Variants in KIFAP3 observed in about 807,000 individuals in gnomAD.
KIFAP3 encodes the protein kinesin-associated protein 3.
In KIFAP3, 68 loss-of-function variants were observed where a neutral mutation model predicts 106.5. That is an observed-to-expected ratio of 0.64 (90% CI 0.53 to 0.78). The LOEUF (loss-of-function observed/expected upper bound fraction) is 0.78. Ranked by LOEUF, KIFAP3 falls within the 30% of genes least tolerant of loss-of-function variation. The probability of loss-of-function intolerance (pLI) is 0.00; values close to 1 mark genes in which losing one functional copy is unlikely to be tolerated. For synonymous variants in KIFAP3, 320 were observed against 311.5 expected (o/e 1.03, Z -0.29); for missense variants, 780 against 941.8 (o/e 0.83, Z 2.25).
intron 19 of KIFAP3, among the ~76,000 whole-genome samples, chr1:169,942,921 C>A (rs374557912): frequency 9.2e-6 from 1 of 108,242 alleles, no homozygotes; most frequent in Non-Finnish European, 1.8e-5. Flanking sequence ...CCCCCCCCCA[C>A]CCCTTTAAAA....
chr1:169,966,675 C>T (rs1227608030), intron 17 of KIFAP3, among the ~76,000 whole-genome samples: 1 of 150,858 alleles, frequency 6.6e-6, no homozygotes, highest in Non-Finnish European at 1.5e-5. Context: ...CTATATCCCA[C>T]CAGTTTTCAA....
chr1:169,956,597 T>G (rs888654901), intron 18 of KIFAP3, among the ~76,000 whole-genome samples: 2 of 149,420 alleles, frequency 1.3e-5, no homozygotes, highest in African/African-American at 4.9e-5. Flanking sequence ...AGTAAATTTA[T>G]ACCACTGAAG....
At chr1:169,961,291 G>T in intron 17 of KIFAP3, 56 bp from the exon 18 acceptor site, 1 of 1,386,178 alleles carries the variant, frequency 7.2e-7, no homozygotes, top group South Asian at 1.2e-5. Context: ...TTGGCACTCA[G>T]ACGGCAATAT....
At chr1:169,943,131 C>A (rs1396042300) in intron 19 of KIFAP3, among the ~76,000 whole-genome samples, 1 of 151,854 alleles carries the variant, frequency 6.6e-6, no homozygotes, top group Non-Finnish European at 1.5e-5. Context: ...AGAATAAGTG[C>A]AAATCAGTTT....
chr1:169,940,704 C>T (rs989749823), intron 19 of KIFAP3, among the ~76,000 whole-genome samples: 1 of 152,302 alleles, frequency 6.6e-6, no homozygotes, highest in Middle Eastern at 3.4e-3. Flanking sequence ...AAGTTCCCAA[C>T]AGGCCATGGA....
intron 8 of KIFAP3, among the ~76,000 whole-genome samples, chr1:170,027,078 T>C (rs950001432): frequency 6.9e-6 from 1 of 144,258 alleles, no homozygotes; most frequent in Non-Finnish European, 1.5e-5. Flanking sequence ...TGGAATGCAA[T>C]GCGTGACCTT....
At chr1:169,996,518 G>T (rs1667380355) in intron 10 of KIFAP3, among the ~76,000 whole-genome samples, 1 of 152,118 alleles carries the variant, frequency 6.6e-6, no homozygotes, top group Non-Finnish European at 1.5e-5. Context: ...TAAAGGGGTA[G>T]GTATTATCTT....
At chr1:169,980,511 ATGTCAAATAT>A (rs1455803067) in intron 15 of KIFAP3, among the ~76,000 whole-genome samples, 5 of 152,186 alleles carry the variant, frequency 3.3e-5, no homozygotes, top group Non-Finnish European at 5.9e-5. Context: ...TAGGCCTGCA[ATGTCAAATAT>A]TGTAGCCATA....
intron 19 of KIFAP3, among the ~76,000 whole-genome samples, chr1:169,927,993 A>G (rs1387272558): frequency 6.6e-6 from 1 of 152,234 alleles, no homozygotes. Flanking sequence ...TGAACACTGA[A>G]GAACCTATTA....
At chr1:170,051,578 G>A (rs916812979) in intron 2 of KIFAP3, among the ~76,000 whole-genome samples, 2 of 152,070 alleles carry the variant, frequency 1.3e-5, no homozygotes, top group Non-Finnish European at 2.9e-5. Flanking sequence ...TTCTAAAATC[G>A]ACCACATAAT....
chr1:169,969,878 T>C (rs917161513), intron 17 of KIFAP3, among the ~76,000 whole-genome samples: 1 of 152,034 alleles, frequency 6.6e-6, no homozygotes, highest in Non-Finnish European at 1.5e-5. Context: ...TAAGGAACTT[T>C]GTATTGTTGA....
chr1:169,929,185 T>C (rs1378792781), intron 19 of KIFAP3, among the ~76,000 whole-genome samples: 1 of 152,212 alleles, frequency 6.6e-6, no homozygotes, highest in Non-Finnish European at 1.5e-5. Flanking sequence ...TCTCAGCACA[T>C]TTAACATTCA....
chr1:170,060,693 G>A (rs752970484), intron 1 of KIFAP3, among the ~76,000 whole-genome samples: 6 of 152,034 alleles, frequency 3.9e-5, no homozygotes, highest in East Asian at 3.9e-4. Flanking sequence ...AAAACAGCCC[G>A]CATCACCAAG....
chr1:170,056,183 A>G (rs1007530729), intron 1 of KIFAP3, among the ~76,000 whole-genome samples: 1 of 152,144 alleles, frequency 6.6e-6, no homozygotes, highest in African/African-American at 2.4e-5. Flanking sequence ...AATTGTCTAT[A>G]TTACAATATA....
chr1:170,055,368 T>C lies in KIFAP3; in HGVS notation c.101A>G (p.Glu34Gly). The C allele has an allele frequency of 1.2e-6, 2 of 1,611,192 alleles. No individual in the cohort carries two copies. Among genetic ancestry groups the C allele is most frequent in the Non-Finnish European group, 1.7e-6 (2 of 1,178,654 alleles). ...CCCCATTTCTCCAAGAATGGTAGCTTCCACTTCATAGTGAACAATGAGTGC... is the reference window on the plus strand; with the variant it reads ...CCCCATTTCTCCAAGAATGGTAGCTCCCACTTCATAGTGAACAATGAGTGC... ...EKALIVHYEV[E>G]ATILGEMGDP... The change falls in exon 2 of 20, where the codon GAA becomes GGA. Residue 34 changes from glutamate to glycine, a missense_variant. This residue lies in a region of KIFAP3 where 588 missense variants were observed against 678.9 expected (regional missense o/e 0.87). Coordinates refer to ENST00000361580, the MANE Select transcript of KIFAP3 (RefSeq NM_014970.4).
intron 2 of KIFAP3, among the ~76,000 whole-genome samples, chr1:170,049,104 T>C (rs1389597541): frequency 6.6e-6 from 1 of 152,022 alleles, no homozygotes; most frequent in Non-Finnish European, 1.5e-5. Context: ...AGCACAGCAG[T>C]CTGGAGTTGA....
At chr1:170,033,529 A>G (rs1420630998) in intron 7 of KIFAP3, among the ~76,000 whole-genome samples, 1 of 151,828 alleles carries the variant, frequency 6.6e-6, no homozygotes, top group Non-Finnish European at 1.5e-5. Context: ...AACAGATATG[A>G]ATAAACCAGG....
intron 1 of KIFAP3, among the ~76,000 whole-genome samples, chr1:170,069,222 A>G (rs1208841800): frequency 6.6e-6 from 1 of 152,146 alleles, no homozygotes; most frequent in African/African-American, 2.4e-5. Flanking sequence ...ATCAGTAATC[A>G]TAAACCTTTC....
chr1:169,982,672 T>C (rs1465278902), intron 14 of KIFAP3, 30 bp downstream of exon 14: 1 of 1,435,506 alleles, frequency 7.0e-7, no homozygotes, highest in Admixed American at 2.0e-5. Context: ...AACTTAGTGA[T>C]TATACAAAAG....
Sources: allele counts gnomAD v4.1 joint callset (sites outside exome capture counted in the v4.1 genomes callset), GRCh38; gene constraint gnomAD v4.1.1; regional missense constraint gnomAD v4.1.1; transcripts MANE v1.5; gene names NCBI Gene and HGNC (gene_info 2026-07-23, HGNC 2026-07-21).